The following ZNF529 variants were observed in gnomAD, a reference collection of about 807,000 sequenced individuals.
ZNF529 encodes the protein zinc finger protein 529.
ZNF529 carries 11 observed loss-of-function variants against 10.1 expected under a neutral mutation model. The ratio of observed to expected loss-of-function variants is 1.09; its 90% confidence interval spans 0.69 to 1.81. The LOEUF (loss-of-function observed/expected upper bound fraction) is 1.81, where lower values mean the gene tolerates loss of function less well. Among genes scored for constraint, ZNF529 ranks in the 40% most tolerant of loss-of-function variants. The pLI, the probability that ZNF529 is intolerant of heterozygous loss-of-function variation, is 0.00. For missense variants in ZNF529, 624 were observed against 666.8 expected (o/e 0.94, Z 0.71); for synonymous variants, 204 against 215.7 (o/e 0.95, Z 0.47).
At position 36,572,283 on chromosome 19, in the gene ZNF529, G is replaced by A. The variant is rs1473307718; in HGVS notation, c.14+50C>T. 5 of 1,547,152 alleles carry A rather than the reference G, an allele frequency of 3.2e-6. No individual in the cohort carries two copies. In the East Asian group the frequency reaches 9.8e-5, roughly 30 times the overall value. On this transcript the variant is annotated intron_variant, in intron 2 of 4. Coordinates refer to ENST00000591340, the MANE Select transcript of ZNF529 (RefSeq NM_020951.5). ...CATCTCTACGGTCCTGTTGTTAATT[G>A]GGAAGAGAAAACCAAGGGACCAGGT... is the stretch of plus-strand genomic sequence containing the variant.
intron 1 of ZNF529, among the ~76,000 whole-genome samples, chr19:36,598,842 G>A (rs985062769): frequency 3.9e-5 from 6 of 152,138 alleles, no homozygotes. Flanking sequence ...TAATCTATTA[G>A]TATTAAAGAA....
At chr19:36,573,442 T>G (rs1295236542), upstream of ZNF529, 1 of 470,778 alleles carries the variant, frequency 2.1e-6, no homozygotes, top group Non-Finnish European at 4.4e-6. Context: ...AGTTTCCGGG[T>G]GCGCAGACCC....
At chr19:36,578,820 A>G (rs2036399107) in intron 2 of ZNF529, among the ~76,000 whole-genome samples, 1 of 150,964 alleles carries the variant, frequency 6.6e-6, no homozygotes. Flanking sequence ...CTGGTCTCGA[A>G]CTCCTGACTT....
Position 36,554,502 on chromosome 19 carries a change from C to T in ZNF529, c.235+168G>A, listed in dbSNP as rs542146630. Reference sequence around the variant, plus strand: ...CTGAGGCAGAAGAATCACTTGAACCCGGGAGGCAGAGGTTGCAGTGAGCCA... The same window carrying T: ...CTGAGGCAGAAGAATCACTTGAACCTGGGAGGCAGAGGTTGCAGTGAGCCA... On this transcript the variant is annotated intron_variant, in intron 4 of 4. Coordinates refer to ENST00000591340, the MANE Select transcript of ZNF529 (RefSeq NM_020951.5). Among the ~76,000 whole-genome samples the T allele has an allele frequency of 3.3e-5, 5 of 152,146 alleles. No individual in the cohort carries two copies. The South Asian group carries it at 8.3e-4, about 25-fold the overall frequency.
At chr19:36,593,392 C>T (rs2036770889) in intron 1 of ZNF529, among the ~76,000 whole-genome samples, 1 of 152,174 alleles carries the variant, frequency 6.6e-6, no homozygotes. Flanking sequence ...TACTCTTGAA[C>T]TCCAGGGCTC....
chr19:36,587,447 T>C (rs1434562961), intron 2 of ZNF529: 1 of 152,194 alleles, frequency 6.6e-6, no homozygotes, highest in Non-Finnish European at 1.5e-5. Context: ...TGAAAATCAA[T>C]CTGGCAGTTC....
chr19:36,575,613 T>C (rs1024747815), upstream of ZNF529, among the ~76,000 whole-genome samples: 1 of 152,152 alleles, frequency 6.6e-6, no homozygotes, highest in African/African-American at 2.4e-5. Flanking sequence ...CTAATTAAAA[T>C]ATTTACTGTA....
At chr19:36,601,046 A>G (rs2036915767) in intron 1 of ZNF529, among the ~76,000 whole-genome samples, 2 of 151,888 alleles carry the variant, frequency 1.3e-5, no homozygotes, top group South Asian at 4.1e-4. Context: ...AAAAAAAAAG[A>G]CACCTCATGC....
intron 2 of ZNF529, chr19:36,582,589 T>TC (rs2036490330): frequency 6.6e-6 from 1 of 151,580 alleles, no homozygotes; most frequent in Admixed American, 6.6e-5. Flanking sequence ...CCGCCTGTAG[T>TC]CCCAGCTACT....
At chr19:36,580,796 T>C (rs2036446726) in intron 2 of ZNF529, 1 of 152,066 alleles carries the variant, frequency 6.6e-6, no homozygotes, top group Non-Finnish European at 1.5e-5. Context: ...AATGCACAAA[T>C]ATTCAGAAAA....
At position 36,544,644 on chromosome 19, in the gene ZNF529, A is replaced by G. The variant is rs1049233416; in HGVS notation, c.*2222T>C. On this transcript the variant is annotated 3_prime_UTR_variant, in exon 5 of 5. Transcript: ENST00000591340. ...ATAGAGCTACTACTCTATTTCAAAG[A>G]TATGAAATAGCAAATATCCTGACAA... The G allele has an allele frequency of 6.6e-6, 1 of 152,212 alleles. No homozygotes were observed. Among genetic ancestry groups the G allele is most frequent in the Non-Finnish European group, 1.5e-5 (1 of 68,034 alleles). 9.4% of individuals were successfully genotyped at this position (152,212 alleles called of 1,614,324 possible). A position where few individuals can be genotyped will look rare whatever the true frequency, so the allele number is the denominator to read the frequency against.
At chr19:36,552,020 A>AAT (rs1706396407) in intron 4 of ZNF529, 1 of 152,178 alleles carries the variant, frequency 6.6e-6, no homozygotes, top group African/African-American at 2.4e-5. Context: ...TTTTTTGGTC[A>AAT]ATATATACAT....
At chr19:36,561,402 A>C (rs1156482447) in intron 2 of ZNF529, among the ~76,000 whole-genome samples, 1 of 137,976 alleles carries the variant, frequency 7.2e-6, no homozygotes, top group Non-Finnish European at 1.5e-5. Context: ...TTTTTTTTTG[A>C]GACAGACTCT....
At chr19:36,590,989 C>A (rs1020650904) in intron 1 of ZNF529, among the ~76,000 whole-genome samples, 1 of 149,438 alleles carries the variant, frequency 6.7e-6, no homozygotes, top group Non-Finnish European at 1.5e-5. Flanking sequence ...TTAAAAACTG[C>A]AAAGACAAAT....
At chr19:36,586,270 A>G (rs12977285) in intron 2 of ZNF529, among the ~76,000 whole-genome samples, 13,508 of 152,194 alleles carry the variant, frequency 0.089, 646 homozygotes, top group African/African-American at 0.13. Flanking sequence ...TCTTCTCCCT[A>G]TGGAGCTACA....
chr19:36,551,121 G>A (rs2035241571), intron 4 of ZNF529, among the ~76,000 whole-genome samples: 1 of 152,168 alleles, frequency 6.6e-6, no homozygotes, highest in Non-Finnish European at 1.5e-5. Context: ...TTTTACAACA[G>A]TGGGTCACAT....
chr19:36,558,551 A>G (rs1315258403), intron 2 of ZNF529, among the ~76,000 whole-genome samples: 1 of 152,130 alleles, frequency 6.6e-6, no homozygotes, highest in African/African-American at 2.4e-5. Flanking sequence ...CACACACACA[A>G]AATCCTTCAA....
chr19:36,576,573 C>CA (rs2036323434), upstream of ZNF529, among the ~76,000 whole-genome samples: 1 of 151,928 alleles, frequency 6.6e-6, no homozygotes, highest in Non-Finnish European at 1.5e-5. Flanking sequence ...AAAAATTATC[C>CA]AGGCGTAGTG....
intron 1 of ZNF529, among the ~76,000 whole-genome samples, chr19:36,601,596 T>A (rs960368606): frequency 2.6e-5 from 4 of 152,104 alleles, no homozygotes; most frequent in African/African-American, 9.7e-5. Context: ...TAATAAGGTT[T>A]TAAATTTAAG....
Sources: gnomAD v4.1 joint callset for allele counts (sites outside exome capture counted in the v4.1 genomes callset) on GRCh38, gnomAD v4.1.1 for gene constraint, MANE v1.5 for transcripts, NCBI Gene and HGNC (gene_info 2026-07-23, HGNC 2026-07-21) for gene names.